WDR70: variants seen among roughly 807,000 people sequenced by gnomAD.
The protein encoded by WDR70 is WD repeat domain 70, also known as WD repeat-containing protein 70.
In WDR70, 53 loss-of-function variants were observed where a neutral mutation model predicts 88.6. That is an observed-to-expected ratio of 0.60 (90% CI 0.48 to 0.75). The LOEUF is 0.75. Ranked by LOEUF, WDR70 falls within the 30% of genes least tolerant of loss-of-function variation. WDR70 has a pLI of 0.00. For synonymous variants in WDR70, 280 were observed against 270.0 expected, an observed-to-expected ratio of 1.04 and a Z score of -0.36; for missense variants, 610 against 823.2, an observed-to-expected ratio of 0.74 and a Z score of 3.17.
chr5:37,395,671 A>G (rs952366114), intron 4 of WDR70, among the ~76,000 whole-genome samples: 1 of 152,200 alleles, frequency 6.6e-6, no homozygotes, highest in Non-Finnish European at 1.5e-5. Context: ...TACTGTGGCA[A>G]TCAGGGATTG....
At chr5:37,399,264 C>T (rs973125693) in intron 5 of WDR70, among the ~76,000 whole-genome samples, 5 of 151,814 alleles carry the variant, frequency 3.3e-5, no homozygotes, top group East Asian at 3.9e-4. Flanking sequence ...GGTGACAGAG[C>T]GAGACTCTGT....
chr5:37,623,038 A>C (rs7729195), intron 10 of WDR70, among the ~76,000 whole-genome samples: 7,361 of 152,216 alleles, frequency 0.048, 581 homozygotes, highest in African/African-American at 0.16. Context: ...TCTGTGTCTT[A>C]GATTCTTCCA....
At chr5:37,693,069 A>G (rs878905550) in intron 10 of WDR70, among the ~76,000 whole-genome samples, 2 of 148,930 alleles carry the variant, frequency 1.3e-5, no homozygotes, top group Non-Finnish European at 2.9e-5. Flanking sequence ...CTATACACCA[A>G]TAACAGACAA....
chr5:37,464,245 G>A (rs2112113109), intron 7 of WDR70, among the ~76,000 whole-genome samples: 1 of 152,284 alleles, frequency 6.6e-6, no homozygotes, highest in South Asian at 2.1e-4. Context: ...CATATATCCT[G>A]TGAACTGATT....
At chr5:37,619,676 T>G (rs939700709) in intron 10 of WDR70, among the ~76,000 whole-genome samples, 14 of 152,074 alleles carry the variant, frequency 9.2e-5, no homozygotes, top group Admixed American at 2.6e-4. Context: ...ACTGGAGAAG[T>G]GATGCAACCA....
At chr5:37,484,168 G>A (rs74966022) in intron 8 of WDR70, among the ~76,000 whole-genome samples, 90,325 of 152,058 alleles carry the variant, frequency 0.59, 28,301 homozygotes, top group Non-Finnish European at 0.69. Flanking sequence ...CCGGGCAGAG[G>A]CTGTAATCTC....
intron 9 of WDR70, among the ~76,000 whole-genome samples, chr5:37,601,529 C>G (rs1439768212): frequency 6.6e-6 from 1 of 152,092 alleles, no homozygotes; most frequent in South Asian, 2.1e-4. Flanking sequence ...GCAATGCTAG[C>G]CTTGTAAAAT....
intron 10 of WDR70, among the ~76,000 whole-genome samples, chr5:37,691,905 A>G (rs554495250): frequency 6.6e-6 from 1 of 152,278 alleles, no homozygotes. Flanking sequence ...CAAAAACACA[A>G]TGAATCCAGG....
chr5:37,573,783 G>A (rs1448644319), intron 9 of WDR70, among the ~76,000 whole-genome samples: 2 of 151,922 alleles, frequency 1.3e-5, no homozygotes, highest in South Asian at 2.1e-4. Flanking sequence ...GATCCACACC[G>A]TTCCACTGAA....
At chr5:37,557,920 T>C in intron 9 of WDR70, among the ~76,000 whole-genome samples, 1 of 136,098 alleles carries the variant, frequency 7.3e-6, no homozygotes, top group African/African-American at 2.6e-5. Context: ...TGAAAACTCT[T>C]CAAAAGAGTA....
chr5:37,439,990 AT>A (rs1248197001), intron 6 of WDR70, among the ~76,000 whole-genome samples: 1 of 151,920 alleles, frequency 6.6e-6, no homozygotes, highest in Admixed American at 6.6e-5. Flanking sequence ...TTATATATCT[AT>A]TTTTTCAATA....
chr5:37,741,754 C>G (rs551039361), intron 17 of WDR70, among the ~76,000 whole-genome samples: 14 of 152,290 alleles, frequency 9.2e-5, no homozygotes, highest in African/African-American at 3.4e-4. Flanking sequence ...CTGCATTAAA[C>G]AACTCTCCAT....
intron 6 of WDR70, among the ~76,000 whole-genome samples, chr5:37,441,406 G>C (rs1750649454): frequency 6.6e-6 from 1 of 152,042 alleles, no homozygotes; most frequent in Non-Finnish European, 1.5e-5. Flanking sequence ...ATCGGTATTT[G>C]CAAGTGCTAA....
intron 15 of WDR70, chr5:37,724,482 AG>A (rs1747911855): frequency 6.4e-6 from 1 of 155,258 alleles, no homozygotes; most frequent in African/African-American, 2.4e-5. Context: ...TCCTCCTGAG[AG>A]GTGGTCACAT....
chr5:37,650,273 C>T lies in WDR70; in HGVS notation c.1092+45035C>T, dbSNP rs371749811. Among the ~76,000 whole-genome samples, 105 of 151,424 alleles carry T rather than the reference C, an allele frequency of 6.9e-4. 2 individuals are homozygous for T. The East Asian group carries it at 0.017, about 25-fold the overall frequency. ...AAAATTAGCTGGGTGTGGTGGTGGG[C>T]GCCTGTAGTCCCAGCTACTCAGGAG... is the stretch of plus-strand genomic sequence containing the variant. On this transcript the variant is annotated intron_variant, in intron 10 of 17. Transcript: ENST00000265107.
intron 6 of WDR70, among the ~76,000 whole-genome samples, chr5:37,440,146 C>T (rs1750609355): frequency 6.6e-6 from 1 of 152,024 alleles, no homozygotes; most frequent in African/African-American, 2.4e-5. Flanking sequence ...TTTTATATCT[C>T]TATAAGATTT....
intron 5 of WDR70, among the ~76,000 whole-genome samples, chr5:37,437,090 T>A (rs1485425712): frequency 2.6e-5 from 4 of 152,178 alleles, no homozygotes; most frequent in Non-Finnish European, 5.9e-5. Context: ...GCATTCATTA[T>A]ACTGAAGTAG....
At chr5:37,470,888 CTTCT>C (rs1443001385) in intron 7 of WDR70, among the ~76,000 whole-genome samples, 2 of 130,564 alleles carry the variant, frequency 1.5e-5, no homozygotes. Flanking sequence ...TTAGCAAGTA[CTTCT>C]TTTTTTTTTT....
chr5:37,715,310 A>G (rs1296313807), intron 13 of WDR70, among the ~76,000 whole-genome samples: 1 of 145,144 alleles, frequency 6.9e-6, no homozygotes. Context: ...CAGGATAGGG[A>G]AGGGAGAAGA....
Sources: gnomAD v4.1 joint callset for allele counts (sites outside exome capture counted in the v4.1 genomes callset) on GRCh38, gnomAD v4.1.1 for gene constraint, MANE v1.5 for transcripts, NCBI Gene and HGNC (gene_info 2026-07-23, HGNC 2026-07-21) for gene names.